The following CDH18 variants were observed in gnomAD, a reference collection of about 807,000 sequenced individuals.
CDH18 encodes cadherin-18.
CDH18 carries 31 observed loss-of-function variants against 67.9 expected under a neutral mutation model. The ratio of observed to expected loss-of-function variants is 0.46; its 90% CI spans 0.34 to 0.62. CDH18 has a LOEUF of 0.62. Among genes scored for constraint, CDH18 ranks in the 20% least tolerant of loss-of-function variants. CDH18 has a pLI of 0.01. For synonymous variants in CDH18, 362 were observed against 347.2 expected (o/e 1.04, Z -0.48); for missense variants, 890 against 975.5 (o/e 0.91, Z 1.17).
At chr5:20,494,061 C>T (rs1278440571) in intron 1 of CDH18, among the ~76,000 whole-genome samples, 4 of 151,902 alleles carry the variant, frequency 2.6e-5, no homozygotes, top group African/African-American at 9.7e-5. Flanking sequence ...ACCAGCCTGG[C>T]CAACATGGTT....
intron 2 of CDH18, among the ~76,000 whole-genome samples, chr5:20,035,701 A>G (rs1739797939): frequency 6.6e-6 from 1 of 152,046 alleles, no homozygotes; most frequent in African/African-American, 2.4e-5. Context: ...CATGTGGATT[A>G]CAATTCAAGA....
chr5:19,494,795 CAA>C (rs913302253), intron 11 of CDH18, among the ~76,000 whole-genome samples: 7 of 152,172 alleles, frequency 4.6e-5, no homozygotes, highest in African/African-American at 1.7e-4. Flanking sequence ...CTGTAAATCT[CAA>C]AGTCTCTCTG....
intron 1 of CDH18, among the ~76,000 whole-genome samples, chr5:20,541,762 C>T (rs1440132038): frequency 6.6e-6 from 1 of 152,070 alleles, no homozygotes; most frequent in Non-Finnish European, 1.5e-5. Context: ...AGGAAATAAG[C>T]ATTATAAAGA....
chr5:19,879,580 C>T (rs533133094), intron 2 of CDH18, among the ~76,000 whole-genome samples: 2 of 152,016 alleles, frequency 1.3e-5, no homozygotes, highest in South Asian at 2.1e-4. Flanking sequence ...AGTATACCTA[C>T]AGCAGTAGAT....
chr5:19,761,846 A>T (rs1340201692), intron 3 of CDH18, among the ~76,000 whole-genome samples: 3 of 152,206 alleles, frequency 2.0e-5, no homozygotes, highest in South Asian at 4.1e-4. Context: ...AAACTATACT[A>T]CAAGGCTACA....
chr5:20,195,471 A>G (rs1738901847), intron 2 of CDH18, among the ~76,000 whole-genome samples: 1 of 152,072 alleles, frequency 6.6e-6, no homozygotes, highest in Non-Finnish European at 1.5e-5. Context: ...TACCTGTCAG[A>G]TCACATATAA....
intron 1 of CDH18, among the ~76,000 whole-genome samples, chr5:20,294,920 G>T (rs1216011449): frequency 1.3e-5 from 2 of 152,006 alleles, no homozygotes; most frequent in South Asian, 2.1e-4. Flanking sequence ...TCACTTAAAG[G>T]CTTTGATTTC....
chr5:19,783,984 A>G (rs997870372), intron 3 of CDH18, among the ~76,000 whole-genome samples: 1 of 152,126 alleles, frequency 6.6e-6, no homozygotes, highest in African/African-American at 2.4e-5. Context: ...ATAGGTAGAT[A>G]TTATTTTCTT....
chr5:20,404,296 T>C (rs1342710605), intron 1 of CDH18, among the ~76,000 whole-genome samples: 1 of 152,198 alleles, frequency 6.6e-6, no homozygotes, highest in Admixed American at 6.5e-5. Context: ...TAGCACTTTT[T>C]ATTTTCCTTC....
chr5:19,493,714 A>G (rs1029523267), intron 11 of CDH18, among the ~76,000 whole-genome samples: 2 of 152,172 alleles, frequency 1.3e-5, no homozygotes, highest in African/African-American at 4.8e-5. Flanking sequence ...ATTATATTCA[A>G]CACTTCATTG....
chr5:20,420,082 T>C (rs1326327645), intron 1 of CDH18, among the ~76,000 whole-genome samples: 1 of 151,116 alleles, frequency 6.6e-6, no homozygotes, highest in African/African-American at 2.5e-5. Flanking sequence ...CACAGCAGAT[T>C]ATGTGAGCCT....
intron 3 of CDH18, among the ~76,000 whole-genome samples, chr5:19,760,365 T>G (rs1424325691): frequency 6.6e-6 from 1 of 152,138 alleles, no homozygotes. Context: ...CTAAAGTGAC[T>G]AATCCACTCC....
At chr5:20,315,585 A>G (rs1014343131) in intron 1 of CDH18, among the ~76,000 whole-genome samples, 2 of 151,830 alleles carry the variant, frequency 1.3e-5, no homozygotes, top group African/African-American at 4.8e-5. Context: ...CCTCTTACCA[A>G]TCTCCCTCCA....
At chr5:20,535,909 C>G (rs1292429718) in intron 1 of CDH18, among the ~76,000 whole-genome samples, 2 of 152,110 alleles carry the variant, frequency 1.3e-5, no homozygotes, top group African/African-American at 4.8e-5. Flanking sequence ...TTTCCTAATT[C>G]AACCAGAAGG....
intron 1 of CDH18, among the ~76,000 whole-genome samples, chr5:20,283,093 T>G (rs567136488): frequency 6.8e-5 from 10 of 147,812 alleles, no homozygotes; most frequent in African/African-American, 2.2e-4. Flanking sequence ...AGACCCCTGC[T>G]TCTTGTCTTA....
At chr5:20,375,782 A>C (rs538941280) in intron 1 of CDH18, among the ~76,000 whole-genome samples, 83 of 152,180 alleles carry the variant, frequency 5.5e-4, no homozygotes, top group African/African-American at 2.0e-3. Flanking sequence ...TAGATGATTT[A>C]AGGTTTCATA....
intron 2 of CDH18, among the ~76,000 whole-genome samples, chr5:19,934,014 T>C (rs540480091): frequency 8.3e-4 from 126 of 151,424 alleles, no homozygotes; most frequent in Non-Finnish European, 6.4e-4. Context: ...TAAATTTTAA[T>C]ATTCTTCATT....
chr5:20,385,152 A>G (rs1744216521), intron 1 of CDH18, among the ~76,000 whole-genome samples: 1 of 152,054 alleles, frequency 6.6e-6, no homozygotes, highest in Admixed American at 6.6e-5. Context: ...AGGTTTTCTT[A>G]TATGTAATTT....
intron 3 of CDH18, among the ~76,000 whole-genome samples, chr5:19,837,861 C>T (rs1781857450): frequency 6.6e-6 from 1 of 152,126 alleles, no homozygotes. Context: ...GCTGTGCTTG[C>T]TGTTTCTCCC....
Sources: allele counts gnomAD v4.1 joint callset (sites outside exome capture counted in the v4.1 genomes callset), GRCh38; gene constraint gnomAD v4.1.1; transcripts MANE v1.5; gene names NCBI Gene and HGNC (gene_info 2026-07-23, HGNC 2026-07-21).